The following DEAF1 variants were observed in gnomAD, a reference collection of about 807,000 sequenced individuals.
DEAF1 encodes the protein deformed epidermal autoregulatory factor 1 homolog.
Under a neutral mutation model 58.9 loss-of-function variants are expected in DEAF1, and 53 were observed. The observed-to-expected ratio is 0.90, with a 90% CI of 0.72 to 1.13. DEAF1 has a LOEUF of 1.13. DEAF1 is among the 50% of genes most tolerant of loss of function. DEAF1 has a pLI of 0.00. For synonymous variants in DEAF1, 385 were observed against 340.4 expected, an observed-to-expected ratio of 1.13 and a Z score of -1.44; for missense variants, 685 against 791.4, an observed-to-expected ratio of 0.87 and a Z score of 1.61.
intron 8 of DEAF1, among the ~76,000 whole-genome samples, chr11:679,269 C>A (rs1326960715): frequency 6.6e-6 from 1 of 150,862 alleles, no homozygotes; most frequent in Non-Finnish European, 1.5e-5. Context: ...GAGCCGAGAT[C>A]ATGCCACTGC....
chr11:672,449 T>A (rs528213832), intron 10 of DEAF1, among the ~76,000 whole-genome samples: 61 of 152,328 alleles, frequency 4.0e-4, no homozygotes, highest in African/African-American at 1.4e-3. Context: ...ACCCCTAACA[T>A]TGAATACGGC....
intron 11 of DEAF1, chr11:651,391 A>G (rs1173774627): frequency 3.1e-6 from 1 of 317,916 alleles, no homozygotes; most frequent in Non-Finnish European, 6.0e-6. Context: ...GCTGGTCAAC[A>G]TAGTAAGACT....
At chr11:687,865 T>C in intron 4 of DEAF1, 46 bp downstream of exon 4, 1 of 1,612,564 alleles carries the variant, frequency 6.2e-7, no homozygotes, top group Non-Finnish European at 8.5e-7. Flanking sequence ...GCTAGGGGGG[T>C]TACAAAGGGG....
rs780675916 is a variant in DEAF1 at position 678,842 on chromosome 11, C to T, written c.1127-20G>A. 1 of 1,613,060 alleles carries T rather than the reference C, an allele frequency of 6.2e-7. No individual in the cohort carries two copies. The highest frequency in any genetic ancestry group is 1.1e-5 in the South Asian group (1 of 91,036). ...CTTGGACTGTTGGGGAGAAAAAGGA[C>T]AGGGAGGCTCGGGATGGTTGTCCGC... On this transcript the variant is annotated intron_variant, in intron 8 of 11. Transcript: ENST00000382409.
chr11:668,977 C>A (rs1027421522), intron 10 of DEAF1, among the ~76,000 whole-genome samples: 16 of 152,094 alleles, frequency 1.1e-4, no homozygotes, highest in African/African-American at 3.9e-4. Context: ...AGGTGCCTGC[C>A]ACCATGCCTG....
chr11:691,465 C>G, intron 2 of DEAF1, 36 bp downstream of exon 2: 1 of 1,594,006 alleles, frequency 6.3e-7, no homozygotes, highest in Admixed American at 1.7e-5. Flanking sequence ...AGCGTGGCAC[C>G]ACCCGCCCTG....
At chr11:666,987 C>A (rs1184378190) in intron 10 of DEAF1, among the ~76,000 whole-genome samples, 2 of 151,676 alleles carry the variant, frequency 1.3e-5, no homozygotes, top group African/African-American at 4.9e-5. Context: ...TTGCTTGAGT[C>A]CAGGAGTTCA....
At chr11:646,545 C>T (rs957527214) in intron 11 of DEAF1, 3 of 152,254 alleles carry the variant, frequency 2.0e-5, no homozygotes, top group African/African-American at 7.2e-5. Flanking sequence ...GTTTGAGCCA[C>T]TCCCTGGGGC....
At chr11:662,465 C>G (rs1276002578) in intron 10 of DEAF1, among the ~76,000 whole-genome samples, 1 of 152,156 alleles carries the variant, frequency 6.6e-6, no homozygotes, top group Non-Finnish European at 1.5e-5. Context: ...CCATTCAGTA[C>G]TTCCTACAGG....
chr11:689,734 AAC>A (rs1860749826), intron 2 of DEAF1: 1 of 152,282 alleles, frequency 6.6e-6, no homozygotes, highest in African/African-American at 2.4e-5. Flanking sequence ...TTAGGAAGGG[AAC>A]ACACAGTTAT....
rs1267521061 is a variant in DEAF1, at chr11:703,662, T to C, written c.-438+2910A>G. ...GCAGGATGGGGTAGGCCTTGTGCTC[T>C]GAGCAACCCCAGCTCTGCCTCACAG... On this transcript the variant is annotated intron_variant, in intron 1 of 11. Transcript: ENST00000683307. 4 of 1,232,414 alleles carry C rather than the reference T, an allele frequency of 3.2e-6. No individual in the cohort carries two copies. The African/African-American group carries it at 4.7e-5, about 14-fold the overall frequency. 76.3% of individuals were successfully genotyped at this position (1,232,414 alleles called of 1,614,324 possible). A position where few individuals can be genotyped will look rare whatever the true frequency, so the allele number is the denominator to read the frequency against.
chr11:665,333 CAG>C (rs2133332104), intron 10 of DEAF1, among the ~76,000 whole-genome samples: 1 of 152,330 alleles, frequency 6.6e-6, no homozygotes, highest in African/African-American at 2.4e-5. Context: ...GTGTCACACT[CAG>C]AGCCTCTGAG....
At chr11:657,439 T>C (rs1246415275) in intron 10 of DEAF1, among the ~76,000 whole-genome samples, 1 of 152,202 alleles carries the variant, frequency 6.6e-6, no homozygotes, top group Admixed American at 6.5e-5. Flanking sequence ...TGTTGCCTTC[T>C]AGCTCAGAGT....
At chr11:648,508 T>G (rs1049368068) in intron 11 of DEAF1, among the ~76,000 whole-genome samples, 8 of 152,110 alleles carry the variant, frequency 5.3e-5, no homozygotes, top group African/African-American at 1.7e-4. Flanking sequence ...GGCAGCTTTT[T>G]AAAGAACAGG....
intron 4 of DEAF1, 137 bp from the exon 5 acceptor site, chr11:687,134 C>T (rs1364043463): frequency 3.0e-6 from 4 of 1,329,830 alleles, no homozygotes; most frequent in Non-Finnish European, 4.2e-6. Flanking sequence ...CACCCACATA[C>T]TTGGCCCTGA....
At chr11:663,760 G>A (rs1859414082) in intron 10 of DEAF1, among the ~76,000 whole-genome samples, 1 of 152,154 alleles carries the variant, frequency 6.6e-6, no homozygotes, top group South Asian at 2.1e-4. Context: ...GTGAATACCA[G>A]GCTTTTGGCC....
intron 10 of DEAF1, among the ~76,000 whole-genome samples, chr11:668,462 GAGCACAGTGGCGTGATCACAGCTCGCTGC>G (rs1416140980): frequency 6.6e-6 from 1 of 152,076 alleles, no homozygotes; most frequent in African/African-American, 2.4e-5. Context: ...GCCCAGGCTG[GAGCACAGTGGCGTGATCACAGCTCGCTGC>G]AACCTCTACC....
chr11:674,147 C>CA (rs1859951412), intron 10 of DEAF1: 17 of 313,626 alleles, frequency 5.4e-5, no homozygotes, highest in South Asian at 4.2e-4. Flanking sequence ...GCTCAGCATT[C>CA]GCCCTGCCAG....
intron 11 of DEAF1, among the ~76,000 whole-genome samples, chr11:652,863 C>T (rs1264029246): frequency 6.6e-6 from 1 of 152,046 alleles, no homozygotes; most frequent in African/African-American, 2.4e-5. Flanking sequence ...GTGGGTGGAT[C>T]ACCTGAGGTC....
Sources: allele counts gnomAD v4.1 joint callset (sites outside exome capture counted in the v4.1 genomes callset), GRCh38; gene constraint gnomAD v4.1.1; transcripts MANE v1.5; gene names NCBI Gene and HGNC (gene_info 2026-07-23, HGNC 2026-07-21).